The following SMOC2 variants were observed in gnomAD, a reference collection of about 807,000 sequenced individuals.
The protein encoded by SMOC2 is SPARC-related modular calcium-binding protein 2.
A neutral mutation model predicts 61.4 loss-of-function variants in SMOC2; 39 were observed. The ratio of observed to expected loss-of-function variants is 0.64; its 90% CI spans 0.49 to 0.83. The LOEUF is 0.83. SMOC2 is among the 40% of genes least tolerant of loss of function. The pLI is 0.00. For missense variants in SMOC2, 556 were observed against 592.9 expected (o/e 0.94, Z 0.65); for synonymous variants, 247 against 239.9 (o/e 1.03, Z -0.27).
At chr6:168,664,494 A>G (rs1050463490) in intron 12 of SMOC2, 2 of 402,564 alleles carry the variant, frequency 5.0e-6, no homozygotes, top group Middle Eastern at 3.6e-4. Flanking sequence ...GATTACAGGC[A>G]TGCGCCACCG....
At chr6:168,450,382 CT>C (rs1781433470) in intron 1 of SMOC2, among the ~76,000 whole-genome samples, 1 of 152,158 alleles carries the variant, frequency 6.6e-6, no homozygotes, top group Non-Finnish European at 1.5e-5. Flanking sequence ...GTTGTGTAAT[CT>C]TTAAACATTT....
intron 7 of SMOC2, among the ~76,000 whole-genome samples, chr6:168,562,102 TCATAC>T (rs1411775045): frequency 9.6e-5 from 1 of 10,454 alleles, no homozygotes; most frequent in Non-Finnish European, 1.5e-4. Flanking sequence ...GGTGTCATTT[TCATAC>T]CCTGAGACAC....
At chr6:168,641,811 C>T (rs114527453) in intron 9 of SMOC2, among the ~76,000 whole-genome samples, 1 of 152,296 alleles carries the variant, frequency 6.6e-6, no homozygotes, top group African/African-American at 2.4e-5. Flanking sequence ...GACTTCTAAC[C>T]AAGTGCCCAC....
intron 7 of SMOC2, among the ~76,000 whole-genome samples, chr6:168,550,097 C>CGAGA (rs1427540383): frequency 2.6e-5 from 4 of 152,158 alleles, no homozygotes; most frequent in Non-Finnish European, 5.9e-5. Context: ...TTCATTTAGG[C>CGAGA]TCTCAGTTGA....
intron 1 of SMOC2, among the ~76,000 whole-genome samples, chr6:168,500,374 G>C (rs1412357503): frequency 6.6e-6 from 1 of 152,080 alleles, no homozygotes; most frequent in Non-Finnish European, 1.5e-5. Flanking sequence ...GACTGAAGTA[G>C]GAGGAGAGGG....
intron 3 of SMOC2, among the ~76,000 whole-genome samples, chr6:168,527,077 T>C (rs2609289): frequency 0.5 from 75,506 of 152,162 alleles, 22,140 homozygotes; most frequent in Non-Finnish European, 0.67. Flanking sequence ...TTCTGCACTT[T>C]GACATGCCTG....
intron 7 of SMOC2, among the ~76,000 whole-genome samples, chr6:168,568,075 G>A (rs997534512): frequency 4.0e-5 from 6 of 150,652 alleles, no homozygotes; most frequent in East Asian, 1.9e-4. Flanking sequence ...GGTGTGAGTC[G>A]GTGTCTCATA....
At chr6:168,658,414 A>G in intron 11 of SMOC2, among the ~76,000 whole-genome samples, 1 of 105,894 alleles carries the variant, frequency 9.4e-6, no homozygotes, top group East Asian at 2.7e-4. Flanking sequence ...CTAACTTTTA[A>G]TCTTCTTCCA....
chr6:168,478,850 A>T (rs1370910795), intron 1 of SMOC2, among the ~76,000 whole-genome samples: 1 of 148,790 alleles, frequency 6.7e-6, no homozygotes, highest in South Asian at 2.2e-4. Context: ...GCCCTGGTTT[A>T]CAGACCCTGT....
chr6:168,608,885 A>C (rs1785780768), intron 9 of SMOC2, among the ~76,000 whole-genome samples: 1 of 152,194 alleles, frequency 6.6e-6, no homozygotes, highest in Non-Finnish European at 1.5e-5. Flanking sequence ...CCAACATCTC[A>C]GAGACATGAA....
At chr6:168,558,136 C>G (rs1784290879) in intron 7 of SMOC2, among the ~76,000 whole-genome samples, 1 of 152,316 alleles carries the variant, frequency 6.6e-6, no homozygotes, top group African/African-American at 2.4e-5. Context: ...CCAGCAGAAG[C>G]TCTCTCAGGC....
chr6:168,606,267 C>G (rs9364472), intron 8 of SMOC2, among the ~76,000 whole-genome samples: 77,078 of 152,040 alleles, frequency 0.51, 19,926 homozygotes, highest in Middle Eastern at 0.71. Flanking sequence ...AGCTGACCCC[C>G]ACCCCCACAT....
intron 1 of SMOC2, among the ~76,000 whole-genome samples, chr6:168,483,078 A>G (rs1292936991): frequency 6.6e-6 from 1 of 152,060 alleles, no homozygotes; most frequent in East Asian, 1.9e-4. Context: ...AAAAATAAAT[A>G]CAAATTGGAA....
chr6:168,521,087 A>G (rs1184068883), intron 2 of SMOC2, among the ~76,000 whole-genome samples: 2 of 152,234 alleles, frequency 1.3e-5, no homozygotes, highest in Non-Finnish European at 2.9e-5. Context: ...AGTAACCATT[A>G]TAAAACACTG....
At chr6:168,657,041 T>A (rs914562804) in intron 11 of SMOC2, among the ~76,000 whole-genome samples, 4 of 152,094 alleles carry the variant, frequency 2.6e-5, no homozygotes, top group African/African-American at 9.7e-5. Context: ...TGGCCTCTAA[T>A]AAGACAAAAA....
chr6:168,642,535 CGTGGTG>C (rs138683120), intron 9 of SMOC2, among the ~76,000 whole-genome samples: 3,568 of 152,234 alleles, frequency 0.023, 270 homozygotes, highest in Admixed American at 0.16. Context: ...TTCTCTACTG[CGTGGTG>C]GTTAAAGCGC....
At chr6:168,558,945 A>G (rs778015103) in intron 7 of SMOC2, among the ~76,000 whole-genome samples, 8 of 151,632 alleles carry the variant, frequency 5.3e-5, no homozygotes, top group African/African-American at 7.3e-5. Context: ...GTGCGTGTGC[A>G]TGCGTGTGCA....
chr6:168,613,623 CA>C (rs1242032490), intron 9 of SMOC2, among the ~76,000 whole-genome samples: 1 of 148,852 alleles, frequency 6.7e-6, no homozygotes, highest in African/African-American at 2.4e-5. Flanking sequence ...ACAGCCAGCA[CA>C]GGGGGCCTCT....
At chr6:168,570,980 G>A (rs1394395963) in intron 7 of SMOC2, among the ~76,000 whole-genome samples, 2 of 152,126 alleles carry the variant, frequency 1.3e-5, no homozygotes, top group Non-Finnish European at 2.9e-5. Context: ...AACCAATGGA[G>A]CGTAGCTGTC....
Sources: allele counts gnomAD v4.1 joint callset (sites outside exome capture counted in the v4.1 genomes callset), GRCh38; gene constraint gnomAD v4.1.1; transcripts MANE v1.5; gene names NCBI Gene and HGNC (gene_info 2026-07-23, HGNC 2026-07-21).